Variants in LINGO2 observed in about 807,000 individuals in gnomAD.
LINGO2 encodes leucine-rich repeat and immunoglobulin-like domain-containing nogo receptor-interacting protein 2.
A neutral mutation model predicts 30.6 loss-of-function variants in LINGO2; 14 were observed. The observed-to-expected ratio is 0.46, with a 90% CI of 0.30 to 0.72. The LOEUF is 0.72. Ranked by LOEUF, LINGO2 falls within the 30% of genes least tolerant of loss-of-function variation. The pLI, the probability that LINGO2 is intolerant of heterozygous loss-of-function variation, is 0.07. For missense variants in LINGO2, 729 were observed against 751.7 expected, an observed-to-expected ratio of 0.97 and a Z score of 0.35; for synonymous variants, 317 against 288.5, an observed-to-expected ratio of 1.10 and a Z score of -1.00.
At chr9:29,032,582 G>GAAGT in the LINGO2 span, among the ~76,000 whole-genome samples, 1 of 152,126 alleles carries the variant, frequency 6.6e-6, no homozygotes, top group African/African-American at 2.4e-5. Flanking sequence ...GAAAGTGAAT[G>GAAGT]AAGTAAATCA....
At chr9:29,004,962 A>T in the LINGO2 span, among the ~76,000 whole-genome samples, 3 of 152,044 alleles carry the variant, frequency 2.0e-5, no homozygotes, top group African/African-American at 7.2e-5. Flanking sequence ...TGTTGTAAAC[A>T]TTAAATGAGT....
At chr9:28,290,574 C>T (rs368755624) in intron 4 of LINGO2, among the ~76,000 whole-genome samples, 1 of 151,878 alleles carries the variant, frequency 6.6e-6, no homozygotes, top group African/African-American at 2.4e-5. Flanking sequence ...GATGGGAACT[C>T]AGTCTGAAAT....
chr9:28,225,395 G>T (rs1451201704), intron 4 of LINGO2, among the ~76,000 whole-genome samples: 1 of 151,990 alleles, frequency 6.6e-6, no homozygotes, highest in African/African-American at 2.4e-5. Flanking sequence ...TATGTTAAAT[G>T]CAATACAAAT....
chr9:29,159,868 A>G, the LINGO2 span, among the ~76,000 whole-genome samples: 1 of 152,044 alleles, frequency 6.6e-6, no homozygotes, highest in African/African-American at 2.4e-5. Context: ...TGAATCATGA[A>G]ACTTTCTCAT....
the LINGO2 span, among the ~76,000 whole-genome samples, chr9:28,982,444 T>C: frequency 3.3e-5 from 5 of 151,984 alleles, no homozygotes; most frequent in African/African-American, 1.2e-4. Flanking sequence ...AGGCCACAAG[T>C]TGCCAGTTAA....
chr9:28,307,281 AAATC>A (rs1824407675), intron 3 of LINGO2, among the ~76,000 whole-genome samples: 1 of 152,170 alleles, frequency 6.6e-6, no homozygotes, highest in African/African-American at 2.4e-5. Flanking sequence ...CAATATATGT[AAATC>A]AATAAATGTA....
intron 2 of LINGO2, among the ~76,000 whole-genome samples, chr9:28,431,072 A>AGAGAGAGAGAGAC (rs1554720257): frequency 1.3e-5 from 1 of 74,574 alleles, no homozygotes; most frequent in Non-Finnish European, 3.0e-5. Flanking sequence ...GAGAGAGAGA[A>AGAGAGAGAGAGAC]ACTCAAGGCA....
At chr9:28,232,455 T>C (rs1178516347) in intron 4 of LINGO2, among the ~76,000 whole-genome samples, 1 of 150,278 alleles carries the variant, frequency 6.7e-6, no homozygotes, top group Non-Finnish European at 1.5e-5. Context: ...AAAAAGATTA[T>C]GTTTTTCTCC....
At chr9:27,955,183 T>C (rs1352527455) in intron 5 of LINGO2, among the ~76,000 whole-genome samples, 1 of 152,226 alleles carries the variant, frequency 6.6e-6, no homozygotes, top group Non-Finnish European at 1.5e-5. Flanking sequence ...TATTTAGATG[T>C]CTAATGCACA....
At chr9:28,893,188 T>TTCC in the LINGO2 span, among the ~76,000 whole-genome samples, 2 of 151,972 alleles carry the variant, frequency 1.3e-5, no homozygotes, top group Admixed American at 1.3e-4. Flanking sequence ...CCCAGAATGT[T>TTCC]TCCATCTAGT....
At chr9:28,812,970 C>T in the LINGO2 span, among the ~76,000 whole-genome samples, 3 of 151,336 alleles carry the variant, frequency 2.0e-5, no homozygotes, top group Non-Finnish European at 2.9e-5. Flanking sequence ...ATATTTCCAA[C>T]GGTTCTAAGA....
At chr9:28,023,298 A>G (rs971867727) in intron 4 of LINGO2, among the ~76,000 whole-genome samples, 1 of 152,188 alleles carries the variant, frequency 6.6e-6, no homozygotes, top group African/African-American at 2.4e-5. Context: ...TAAAAGTTTA[A>G]TGTTTATCTG....
intron 4 of LINGO2, among the ~76,000 whole-genome samples, chr9:28,168,265 CTATTT>C (rs1389176003): frequency 6.6e-6 from 1 of 152,112 alleles, no homozygotes; most frequent in Non-Finnish European, 1.5e-5. Flanking sequence ...GCCATGGTTT[CTATTT>C]TATTTTACTT....
the LINGO2 span, among the ~76,000 whole-genome samples, chr9:29,136,515 ACT>A: frequency 6.6e-6 from 1 of 151,934 alleles, no homozygotes; most frequent in African/African-American, 2.4e-5. Flanking sequence ...TTATTACCTG[ACT>A]CTCATGAGCA....
At chr9:28,698,802 G>A in the LINGO2 span, among the ~76,000 whole-genome samples, 2 of 152,078 alleles carry the variant, frequency 1.3e-5, no homozygotes, top group Admixed American at 1.3e-4. Flanking sequence ...AACACTTTGG[G>A]AGTCCAAGAC....
At chr9:28,861,438 A>G in the LINGO2 span, among the ~76,000 whole-genome samples, 1 of 146,104 alleles carries the variant, frequency 6.8e-6, no homozygotes, top group Non-Finnish European at 1.5e-5. Flanking sequence ...AAACATATCT[A>G]TTCTCATATA....
At chr9:28,724,230 C>A in the LINGO2 span, among the ~76,000 whole-genome samples, 1 of 152,062 alleles carries the variant, frequency 6.6e-6, no homozygotes, top group Non-Finnish European at 1.5e-5. Flanking sequence ...ATGGGCCAAC[C>A]ATTGAGTAAC....
chr9:29,124,529 T>C, the LINGO2 span, among the ~76,000 whole-genome samples: 3,514 of 152,250 alleles, frequency 0.023, 146 homozygotes, highest in African/African-American at 0.08. Flanking sequence ...AAAGGGCTAA[T>C]ATCCAGAATC....
At chr9:28,324,013 C>T (rs1825138068) in intron 3 of LINGO2, among the ~76,000 whole-genome samples, 3 of 152,160 alleles carry the variant, frequency 2.0e-5, no homozygotes, top group Admixed American at 6.5e-5. Flanking sequence ...GAGAAAGTCA[C>T]AGCTTTCTAC....
Sources: allele counts gnomAD v4.1 joint callset (sites outside exome capture counted in the v4.1 genomes callset), GRCh38; gene constraint gnomAD v4.1.1; transcripts MANE v1.5; gene names NCBI Gene and HGNC (gene_info 2026-07-23, HGNC 2026-07-21).